Variants in SDHAF4 observed in about 807,000 individuals in gnomAD.
SDHAF4 encodes the protein succinate dehydrogenase complex assembly factor 4.
SDHAF4 carries 14 observed loss-of-function variants against 14.3 expected under a neutral mutation model. That is an observed-to-expected ratio of 0.98 (90% CI 0.65 to 1.53). The LOEUF (loss-of-function observed/expected upper bound fraction) is 1.53, where lower values mean the gene tolerates loss of function less well. Among genes scored for constraint, SDHAF4 ranks in the 40% most tolerant of loss-of-function variants. The pLI is 0.00. For synonymous variants in SDHAF4, 63 were observed against 47.3 expected, an observed-to-expected ratio of 1.33 and a Z score of -1.36; for missense variants, 141 against 129.3, an observed-to-expected ratio of 1.09 and a Z score of -0.44.
At chr6:70,576,577 C>T (rs1437555771) in intron 1 of SDHAF4, among the ~76,000 whole-genome samples, 4 of 152,158 alleles carry the variant, frequency 2.6e-5, no homozygotes, top group African/African-American at 9.7e-5. Flanking sequence ...TTTATCTTAA[C>T]CACTTGTATG....
At chr6:70,572,601 T>C (rs1802198541) in intron 1 of SDHAF4, among the ~76,000 whole-genome samples, 1 of 152,168 alleles carries the variant, frequency 6.6e-6, no homozygotes, top group African/African-American at 2.4e-5. Context: ...TTGTAAATTA[T>C]GTTTTTATTC....
At chr6:70,577,638 G>A (rs755876167) in intron 1 of SDHAF4, among the ~76,000 whole-genome samples, 6 of 152,106 alleles carry the variant, frequency 3.9e-5, no homozygotes, top group Non-Finnish European at 8.8e-5. Flanking sequence ...TGAGATTTGG[G>A]ATACGAATAA....
chr6:70,597,085 G>A, the SDHAF4 span: 1 of 152,122 alleles, frequency 6.6e-6, no homozygotes, highest in African/African-American at 2.4e-5. Context: ...AATCAGTGGT[G>A]ATTGCCTACT....
intron 2 of SDHAF4, among the ~76,000 whole-genome samples, chr6:70,585,548 C>T (rs1936429312): frequency 6.6e-6 from 1 of 152,184 alleles, no homozygotes; most frequent in African/African-American, 2.4e-5. Context: ...TAAGTTTCTG[C>T]TGTTTACTCC....
intron 1 of SDHAF4, among the ~76,000 whole-genome samples, chr6:70,568,712 A>G (rs939062941): frequency 1.3e-5 from 2 of 152,090 alleles, no homozygotes; most frequent in Admixed American, 6.6e-5. Flanking sequence ...AGGTCTTTTC[A>G]TTGTTACAAT....
chr6:70,580,063 AT>A lies in SDHAF4; in HGVS notation c.217+498del, dbSNP rs1372874047. On this transcript the variant is annotated intron_variant, in intron 2 of 2. Coordinates refer to ENST00000370474, the MANE Select transcript of SDHAF4 (RefSeq NM_145267.3). ...CTATATGAATAATGAGGTATGATAA[AT>A]AAATAACAAATATATGTGTATATTA... Among the ~76,000 whole-genome samples the A allele has an allele frequency of 4.7e-3, 569 of 121,354 alleles. 8 individuals carry two copies. Among genetic ancestry groups the A allele is most frequent in the African/African-American group, 0.038 (552 of 14,562 alleles). The allele number at this position is 121,354 out of a possible 152,430, so 79.6% of individuals were successfully genotyped here. A position where few individuals can be genotyped will look rare whatever the true frequency, so the allele number is the denominator to read the frequency against.
At chr6:70,579,883 T>C (rs1213708004) in intron 2 of SDHAF4, among the ~76,000 whole-genome samples, 1 of 152,202 alleles carries the variant, frequency 6.6e-6, no homozygotes, top group East Asian at 1.9e-4. Context: ...AAGAAGGTTA[T>C]GTTATTTGTA....
intron 2 of SDHAF4, among the ~76,000 whole-genome samples, chr6:70,587,026 C>T (rs1765209192): frequency 6.6e-6 from 1 of 151,728 alleles, no homozygotes; most frequent in Admixed American, 6.6e-5. Flanking sequence ...AAAAAATTAG[C>T]TGGGCATGGT....
chr6:70,591,692 T>C (rs1026584150), downstream of SDHAF4, among the ~76,000 whole-genome samples: 2 of 152,192 alleles, frequency 1.3e-5, no homozygotes, highest in Admixed American at 6.5e-5. Context: ...GAGTACAACA[T>C]TTAAAATGTC....
intron 2 of SDHAF4, among the ~76,000 whole-genome samples, chr6:70,587,422 G>T (rs1306718456): frequency 1.3e-5 from 2 of 152,138 alleles, no homozygotes; most frequent in Non-Finnish European, 1.5e-5. Flanking sequence ...AACCCAGGAG[G>T]CTGAGGCTGC....
chr6:70,588,190 G>A (rs747173671), intron 2 of SDHAF4, among the ~76,000 whole-genome samples: 1 of 152,152 alleles, frequency 6.6e-6, no homozygotes, highest in Non-Finnish European at 1.5e-5. Context: ...TGGTAACCAG[G>A]TTGGTAAGAT....
intron 2 of SDHAF4, among the ~76,000 whole-genome samples, chr6:70,587,198 A>ACACACACACAC (rs58942545): frequency 2.1e-5 from 3 of 143,564 alleles, no homozygotes; most frequent in Admixed American, 7.1e-5. Context: ...ACACACACAC[A>ACACACACACAC]AGAATTAGGG....
At chr6:70,593,335 G>A (rs562965133), downstream of SDHAF4, among the ~76,000 whole-genome samples, 1 of 152,366 alleles carries the variant, frequency 6.6e-6, no homozygotes, top group African/African-American at 2.4e-5. Flanking sequence ...GGCCCACGCA[G>A]AGACTTACTG....
chr6:70,579,473 G>A lies in SDHAF4; in HGVS notation c.124G>A (p.Glu42Lys), dbSNP rs1184485560. ...AAGTTCTTCTCAAGGAGGAAAGTCT[G>A]AACTTGTCAAACAGTCCCTTAAGAA... ...KTSSSQGGKS[E>K]LVKQSLKKPK... The change falls in exon 2 of 3, where the codon GAA becomes AAA. Residue 42 changes from glutamate (E) to lysine (K), a missense_variant. Transcript: ENST00000370474. The A allele has an allele frequency of 1.9e-6, 3 of 1,611,214 alleles. No homozygotes were observed. The highest frequency in any genetic ancestry group is 2.7e-5 in the African/African-American group (2 of 74,768).
chr6:70,589,930 G>T (rs992132142), downstream of SDHAF4, among the ~76,000 whole-genome samples: 2 of 152,150 alleles, frequency 1.3e-5, no homozygotes, highest in Non-Finnish European at 2.9e-5. Context: ...TCAGAAAATA[G>T]GGAAAGTACT....
intron 1 of SDHAF4, among the ~76,000 whole-genome samples, chr6:70,572,187 G>T (rs1480424080): frequency 2.7e-5 from 4 of 146,890 alleles, no homozygotes; most frequent in Admixed American, 7.0e-5. Flanking sequence ...TCCTGCCTCA[G>T]CCTCATAGCT....
the SDHAF4 span, among the ~76,000 whole-genome samples, chr6:70,595,050 G>A: frequency 6.6e-6 from 1 of 152,186 alleles, no homozygotes; most frequent in African/African-American, 2.4e-5. Context: ...AGCTCAGTCA[G>A]TTTTGATGAC....
At chr6:70,569,183 C>CTCGA (rs1156873806) in intron 1 of SDHAF4, among the ~76,000 whole-genome samples, 10 of 151,330 alleles carry the variant, frequency 6.6e-5, no homozygotes, top group African/African-American at 2.4e-4. Flanking sequence ...CCAGGATGGT[C>CTCGA]TCGATCTCCT....
chr6:70,574,701 A>G (rs1366844412), intron 1 of SDHAF4, among the ~76,000 whole-genome samples: 2 of 152,036 alleles, frequency 1.3e-5, no homozygotes, highest in African/African-American at 4.8e-5. Flanking sequence ...TTTGGGAGGC[A>G]AGAGGATCAC....
Sources: gnomAD v4.1 joint callset for allele counts (sites outside exome capture counted in the v4.1 genomes callset) on GRCh38, gnomAD v4.1.1 for gene constraint, MANE v1.5 for transcripts, NCBI Gene and HGNC (gene_info 2026-07-23, HGNC 2026-07-21) for gene names.